Variants in DLG1 observed in about 807,000 individuals in gnomAD.
DLG1 encodes discs large MAGUK scaffold protein 1, also known as disks large homolog 1.
DLG1 carries 42 observed loss-of-function variants against 123.4 expected under a neutral mutation model. The observed-to-expected ratio is 0.34, with a 90% CI of 0.27 to 0.44. DLG1 has a LOEUF of 0.44. DLG1 is among the 20% of genes least tolerant of loss of function. The pLI, the probability that DLG1 is intolerant of heterozygous loss-of-function variation, is 1.00. For missense variants in DLG1, 942 were observed against 1,082.6 expected (o/e 0.87, Z 1.82); for synonymous variants, 317 against 356.2 (o/e 0.89, Z 1.24).
At chr3:197,057,231 C>T (rs978285589) in intron 23 of DLG1, among the ~76,000 whole-genome samples, 1 of 152,096 alleles carries the variant, frequency 6.6e-6, no homozygotes, top group Non-Finnish European at 1.5e-5. Flanking sequence ...AGGAATGCAC[C>T]ACCACATCCA....
chr3:197,119,632 T>C, intron 11 of DLG1, 102 bp from the exon 12 acceptor site: 2 of 1,123,174 alleles, frequency 1.8e-6, no homozygotes, highest in East Asian at 7.5e-5. Context: ...CTCCTTTATA[T>C]ATCAGAATTT....
At chr3:197,273,441 TTG>T (rs937425949) in intron 4 of DLG1, among the ~76,000 whole-genome samples, 3 of 152,080 alleles carry the variant, frequency 2.0e-5, no homozygotes, top group African/African-American at 7.2e-5. Context: ...TTTCACCATG[TTG>T]GCCAGGCTGG....
At chr3:197,208,691 T>C (rs934501435) in intron 4 of DLG1, among the ~76,000 whole-genome samples, 3 of 133,834 alleles carry the variant, frequency 2.2e-5, no homozygotes, top group African/African-American at 8.0e-5. Flanking sequence ...TGTGGCGGGG[T>C]GGGGGTAGTT....
chr3:197,084,944 G>C (rs757177685), intron 16 of DLG1, among the ~76,000 whole-genome samples: 1 of 151,256 alleles, frequency 6.6e-6, no homozygotes, highest in Non-Finnish European at 1.5e-5. Flanking sequence ...GTGCCTCCAT[G>C]CCCAGGTAAT....
chr3:197,200,794 AT>A (rs1371202908), intron 4 of DLG1, among the ~76,000 whole-genome samples: 3 of 152,190 alleles, frequency 2.0e-5, no homozygotes, highest in Non-Finnish European at 4.4e-5. Flanking sequence ...TCCCTTCATA[AT>A]AAAATGTCCA....
At chr3:197,062,620 T>C (rs1390934459) in intron 22 of DLG1, among the ~76,000 whole-genome samples, 2 of 152,196 alleles carry the variant, frequency 1.3e-5, no homozygotes, top group Non-Finnish European at 2.9e-5. Flanking sequence ...GGCAGCAAAA[T>C]GTTACAGGCT....
At chr3:197,251,494 C>T (rs1189695303) in intron 4 of DLG1, among the ~76,000 whole-genome samples, 1 of 152,042 alleles carries the variant, frequency 6.6e-6, no homozygotes, top group African/African-American at 2.4e-5. Flanking sequence ...GCATTTATAG[C>T]CAACTCATCT....
At position 197,249,389 on chromosome 3, in the gene DLG1, T is replaced by C. The variant is rs192411915; in HGVS notation, c.318+33290A>G. ...AATAAGCTGATAACAAGTAATGAGA[T>C]TGAAGCCATAATAAAGTCTCCCATT... is the stretch of plus-strand genomic sequence containing the variant. On this transcript the variant is annotated intron_variant, in intron 4 of 24. Transcript: ENST00000667157. Among the ~76,000 whole-genome samples the C allele has an allele frequency of 6.1e-3, 934 of 152,170 alleles. 9 individuals are homozygous for C. The highest frequency in any genetic ancestry group is 0.019 in the African/African-American group (809 of 41,560).
intron 5 of DLG1, chr3:197,161,685 C>A: frequency 1.3e-6 from 2 of 1,576,162 alleles, no homozygotes; most frequent in Non-Finnish European, 8.6e-7. Flanking sequence ...CAGGGACTGG[C>A]AGGACAGGGA....
At chr3:197,066,572 TAAATTTCTACATGTATATGTAGTA>T in intron 20 of DLG1, 108 bp downstream of exon 20, 1 of 516,996 alleles carries the variant, frequency 1.9e-6, no homozygotes. Flanking sequence ...ACACATGTAG[TAAATTTCTACATGTATATGTAGTA>T]AAAAAAAATT....
intron 22 of DLG1, among the ~76,000 whole-genome samples, chr3:197,063,618 T>C (rs1041349155): frequency 6.6e-6 from 1 of 152,248 alleles, no homozygotes; most frequent in Admixed American, 6.5e-5. Context: ...CAATCACTTT[T>C]ATCTGGGCAT....
chr3:197,272,425 T>C (rs1764316245), intron 4 of DLG1, among the ~76,000 whole-genome samples: 1 of 152,230 alleles, frequency 6.6e-6, no homozygotes, highest in Non-Finnish European at 1.5e-5. Flanking sequence ...TTTTAATATG[T>C]CACTCACAAA....
At chr3:197,218,612 T>C (rs1330584323) in intron 4 of DLG1, among the ~76,000 whole-genome samples, 2 of 152,226 alleles carry the variant, frequency 1.3e-5, no homozygotes, top group African/African-American at 4.8e-5. Context: ...GAACTATAAC[T>C]TCTCCTGCTG....
chr3:197,052,594 TATTC>T (rs1190913420), intron 23 of DLG1, among the ~76,000 whole-genome samples: 1 of 152,242 alleles, frequency 6.6e-6, no homozygotes, highest in East Asian at 1.9e-4. Flanking sequence ...CCAAAAAACC[TATTC>T]ATTAATTTAT....
intron 9 of DLG1, among the ~76,000 whole-genome samples, chr3:197,137,787 C>A (rs531167834): frequency 6.6e-6 from 1 of 151,782 alleles, no homozygotes; most frequent in East Asian, 1.9e-4. Context: ...CTAGGCAATG[C>A]AGGGAGGCCT....
chr3:197,110,910 A>G (rs1769611883), intron 13 of DLG1, among the ~76,000 whole-genome samples: 1 of 152,168 alleles, frequency 6.6e-6, no homozygotes, highest in Non-Finnish European at 1.5e-5. Flanking sequence ...ATGATCAGGT[A>G]GAGGTGAGAG....
At chr3:197,052,325 CAT>C (rs1728418543) in intron 23 of DLG1, among the ~76,000 whole-genome samples, 2 of 151,990 alleles carry the variant, frequency 1.3e-5, no homozygotes, top group Non-Finnish European at 2.9e-5. Context: ...TGTGGTGGCG[CAT>C]GCCTGTAATC....
chr3:197,118,513 A>G (rs1281893398), intron 12 of DLG1, among the ~76,000 whole-genome samples: 1 of 152,226 alleles, frequency 6.6e-6, no homozygotes, highest in Non-Finnish European at 1.5e-5. Context: ...ACTGCCTAGA[A>G]TCAGGAGTCT....
intron 3 of DLG1, among the ~76,000 whole-genome samples, chr3:197,287,044 T>C (rs1199982665): frequency 6.6e-6 from 1 of 151,906 alleles, no homozygotes; most frequent in African/African-American, 2.4e-5. Flanking sequence ...GGTTAAATTT[T>C]TTTTTTTCCT....
Sources: allele counts gnomAD v4.1 joint callset (sites outside exome capture counted in the v4.1 genomes callset), GRCh38; gene constraint gnomAD v4.1.1; transcripts MANE v1.5; gene names NCBI Gene and HGNC (gene_info 2026-07-23, HGNC 2026-07-21).